Variants in RAP1GAP2 observed in about 807,000 individuals in gnomAD.
RAP1GAP2 encodes RAP1 GTPase activating protein 2.
A neutral mutation model predicts 95.0 loss-of-function variants in RAP1GAP2; 27 were observed. The observed-to-expected ratio is 0.28, with a 90% CI of 0.21 to 0.39. RAP1GAP2 has a LOEUF of 0.39. Among genes scored for constraint, RAP1GAP2 ranks in the 10% least tolerant of loss-of-function variants. The probability of loss-of-function intolerance (pLI) is 1.00; values close to 1 mark genes in which losing one functional copy is unlikely to be tolerated. For missense variants in RAP1GAP2, 771 were observed against 970.0 expected, an observed-to-expected ratio of 0.79 and a Z score of 2.72; for synonymous variants, 373 against 380.9, an observed-to-expected ratio of 0.98 and a Z score of 0.24.
chr17:2,772,596 A>G (rs755790201), upstream of RAP1GAP2, among the ~76,000 whole-genome samples: 2 of 151,228 alleles, frequency 1.3e-5, no homozygotes, highest in Non-Finnish European at 3.0e-5. Context: ...TGCCCAGCCA[A>G]TAGTTATTTT....
chr17:2,809,583 G>A (rs932567775), intron 2 of RAP1GAP2, among the ~76,000 whole-genome samples: 3 of 152,154 alleles, frequency 2.0e-5, no homozygotes, highest in African/African-American at 7.2e-5. Flanking sequence ...CTTCCTCGCT[G>A]GTCTCCCCAG....
chr17:2,854,540 G>C (rs1302915019), intron 2 of RAP1GAP2, among the ~76,000 whole-genome samples: 3 of 152,272 alleles, frequency 2.0e-5, no homozygotes, highest in Non-Finnish European at 4.4e-5. Flanking sequence ...CTCGGTGCCG[G>C]CAGGCGAGGA....
intron 3 of RAP1GAP2, among the ~76,000 whole-genome samples, chr17:2,919,674 C>T (rs1301538685): frequency 2.0e-5 from 3 of 152,066 alleles, no homozygotes; most frequent in Non-Finnish European, 1.5e-5. Context: ...GCCAGGCCCT[C>T]CTTCCTTAGC....
Position 2,870,103 on chromosome 17 carries a change from GCT to G in RAP1GAP2, c.81-35180_81-35179del, listed in dbSNP as rs2072780649. On this transcript the variant is annotated intron_variant, in intron 2 of 24. Transcript: ENST00000254695. This position sits in a 1 kb window ranked among gnomAD's most constrained non-coding sequence, Gnocchi z 4.4. The stretch of plus-strand genomic sequence containing the variant: ...GAACCTTCCTCAGAGTGCACTCTGT[GCT>G]GCTGCTTGACAATCTTTTTTTTTTT... Among the ~76,000 whole-genome samples the G allele has an allele frequency of 6.6e-6, 1 of 151,896 alleles. No individual in the cohort carries two copies. The highest frequency in any genetic ancestry group is 1.9e-4 in the East Asian group (1 of 5,144).
At chr17:2,809,761 C>G (rs1369696965) in intron 2 of RAP1GAP2, among the ~76,000 whole-genome samples, 2 of 152,232 alleles carry the variant, frequency 1.3e-5, no homozygotes, top group African/African-American at 2.4e-5. Flanking sequence ...TGTGCACCCC[C>G]TGGTGCTTCT....
At position 2,960,482 on chromosome 17, in the gene RAP1GAP2, C is replaced by T. The variant is rs967323192; in HGVS notation, c.202-2188C>T. ...CGCCCTCCTGAACAATGCTGCAAGG[C>T]GACTCAGCCCAGGGAAGTCCGCAGA... is the stretch of plus-strand genomic sequence containing the variant. On this transcript the variant is annotated intron_variant, in intron 4 of 24. Coordinates refer to ENST00000254695, the MANE Select transcript of RAP1GAP2 (RefSeq NM_015085.5). Among the ~76,000 whole-genome samples, 7 of 152,344 alleles carry T rather than the reference C, an allele frequency of 4.6e-5. No individual in the cohort carries two copies. In the East Asian group the frequency reaches 5.8e-4, roughly 13 times the overall value.
intron 11 of RAP1GAP2, 136 bp downstream of exon 11, chr17:2,985,202 G>T: frequency 1.4e-6 from 2 of 1,433,526 alleles, no homozygotes; most frequent in South Asian, 3.2e-5. Context: ...TTTAAGGTAT[G>T]AATTAGACTG....
rs548648057 is a variant in RAP1GAP2 at position 2,928,799 on chromosome 17, G to A, written c.165+23431G>A. 6.6e-5 allele frequency among the ~76,000 whole-genome samples: 10 copies of A among 152,176 alleles called. No individual in the cohort carries two copies. The East Asian group carries it at 1.9e-3, about 30-fold the overall frequency. On this transcript the variant is annotated intron_variant, in intron 3 of 24. Transcript: ENST00000254695. ...CTCTTCTGGGAATTGGTCGTCAGCTGTTGTGAGGGATGGGGAGTCGGAGGG... is the reference window on the plus strand; with the variant it reads ...CTCTTCTGGGAATTGGTCGTCAGCTATTGTGAGGGATGGGGAGTCGGAGGG...
intron 18 of RAP1GAP2, among the ~76,000 whole-genome samples, chr17:3,018,842 A>T (rs993021906): frequency 6.6e-6 from 1 of 152,000 alleles, no homozygotes; most frequent in Non-Finnish European, 1.5e-5. Flanking sequence ...AGGCAGGTGG[A>T]CCACAAGGTC....
In RAP1GAP2 at chr17:2,808,940, A is replaced by C. The variant is rs543078757; in HGVS notation, c.80+8390A>C. The stretch of plus-strand genomic sequence containing the variant: ...GCGAGTTCCTATGGTAACCATGAAC[A>C]TGCCTGTTTTGGGATCTGGAGTCTC... On this transcript the variant is annotated intron_variant, in intron 2 of 24. Transcript: ENST00000254695. 4.6e-5 allele frequency among the ~76,000 whole-genome samples: 7 copies of C among 152,234 alleles called. No individual in the cohort carries two copies. The South Asian group carries it at 1.5e-3, about 32-fold the overall frequency.
chr17:2,992,506 G>A (rs569053022), intron 12 of RAP1GAP2, among the ~76,000 whole-genome samples: 75 of 152,172 alleles, frequency 4.9e-4, no homozygotes, highest in African/African-American at 1.6e-3. Flanking sequence ...CATTGGGGCC[G>A]TTGCTTGGAA....
At chr17:2,862,971 T>G (rs1597460323) in intron 2 of RAP1GAP2, among the ~76,000 whole-genome samples, 1 of 124,624 alleles carries the variant, frequency 8.0e-6, no homozygotes, top group Non-Finnish European at 1.6e-5. Flanking sequence ...AACTCCAGCC[T>G]GGGTGACAAA....
At chr17:2,960,123 C>CAAAAAAAAAAAA (rs71153316) in intron 4 of RAP1GAP2, among the ~76,000 whole-genome samples, 1 of 80,988 alleles carries the variant, frequency 1.2e-5, no homozygotes, top group African/African-American at 5.0e-5. Context: ...GACTCCATCT[C>CAAAAAAAAAAAA]AAAAAAAAAA....
Position 3,027,119 on chromosome 17 carries a change from T to C in RAP1GAP2, c.2107+49T>C. On this transcript the variant is annotated intron_variant, in intron 22 of 24. Transcript: ENST00000254695. The surrounding 1 kb of genome is among the most constrained non-coding windows in gnomAD (Gnocchi z 5.2). ...GTGACGTCACCAGGAGGGCAGGCTG[T>C]GCCCTGTCCACTGTTAGCAGGGCCC... 1 of 1,523,268 alleles carries C rather than the reference T, an allele frequency of 6.6e-7. No individual in the cohort carries two copies. The allele number at this position is 1,523,268 out of a possible 1,614,324, so 94.4% of individuals were successfully genotyped here.
At chr17:2,916,899 A>C (rs2042589387) in intron 3 of RAP1GAP2, among the ~76,000 whole-genome samples, 1 of 152,180 alleles carries the variant, frequency 6.6e-6, no homozygotes, top group African/African-American at 2.4e-5. Context: ...TCCAAGCTGG[A>C]GGCCCCAGAG....
At position 2,810,021 on chromosome 17, in the gene RAP1GAP2, CCCCT is replaced by C. The variant is rs1396010993; in HGVS notation, c.80+9475_80+9478del. Among the ~76,000 whole-genome samples, 8 of 28,720 alleles carry C rather than the reference CCCCT, an allele frequency of 2.8e-4. 1 individual carries two copies. The highest frequency in any genetic ancestry group is 1.6e-3 in the African/African-American group (6 of 3,742). 18.8% of individuals were successfully genotyped at this position (28,720 alleles called of 152,430 possible). A position where few individuals can be genotyped will look rare whatever the true frequency, so the allele number is the denominator to read the frequency against. On this transcript the variant is annotated intron_variant, in intron 2 of 24. Transcript: ENST00000254695. ...CCCCTCTGGCTTGTGCTGGGACCCT[CCCCT>C]CCCCCCGCCCCACCCCAGGAGTTCC...
At chr17:2,956,384 G>T (rs1183080266) in intron 3 of RAP1GAP2, among the ~76,000 whole-genome samples, 2 of 152,198 alleles carry the variant, frequency 1.3e-5, no homozygotes, top group African/African-American at 2.4e-5. Flanking sequence ...GCAGGGCTGG[G>T]TCTCTCCAGG....
intron 3 of RAP1GAP2, among the ~76,000 whole-genome samples, chr17:2,905,884 AC>A (rs2042181259): frequency 6.6e-6 from 1 of 152,062 alleles, no homozygotes; most frequent in Non-Finnish European, 1.5e-5. Flanking sequence ...TCCTGGGGAG[AC>A]CACAGTCCAG....
rs551244337 is a variant in RAP1GAP2, at chr17:2,770,149, T to TGCC, written c.51-179_51-177dup. ...TGCGTTGAAATCTGATCCTTCTAGC[T>TGCC]GCCTCCTCTTCAGGGAATCTTAATG... On this transcript the variant is annotated intron_variant, in intron 1 of 25. Coordinates refer to the RAP1GAP2 transcript ENST00000637138. Among the ~76,000 whole-genome samples the TGCC allele has an allele frequency of 3.8e-3, 571 of 151,900 alleles. 1 individual carries two copies. The highest frequency in any genetic ancestry group is 0.01 in the Middle Eastern group (3 of 292).
Sources: allele counts gnomAD v4.1 joint callset (sites outside exome capture counted in the v4.1 genomes callset), GRCh38; gene constraint gnomAD v4.1.1; non-coding constraint Gnocchi (gnomAD v3.1); transcripts MANE v1.5; gene names NCBI Gene and HGNC (gene_info 2026-07-23, HGNC 2026-07-21).